The following LUC7L variants were observed in gnomAD, a reference collection of about 807,000 sequenced individuals.
The protein encoded by LUC7L is putative RNA-binding protein Luc7-like 1.
A neutral mutation model predicts 51.1 loss-of-function variants in LUC7L; 29 were observed. The ratio of observed to expected loss-of-function variants is 0.57; its 90% confidence interval spans 0.42 to 0.77. LUC7L has a LOEUF of 0.77. Ranked by LOEUF, LUC7L falls within the 30% of genes least tolerant of loss-of-function variation. LUC7L has a pLI of 0.00. For missense variants in LUC7L, 403 were observed against 511.9 expected, an observed-to-expected ratio of 0.79 and a Z score of 2.05; for synonymous variants, 181 against 180.7, an observed-to-expected ratio of 1.00 and a Z score of -0.01.
intron 3 of LUC7L, chr16:209,017 C>CT (rs1437401658): frequency 6.6e-6 from 1 of 151,100 alleles, no homozygotes; most frequent in Non-Finnish European, 1.5e-5. Context: ...AACATGGTCT[C>CT]TAATAAAAAT....
chr16:210,086 G>A (rs561918380), intron 3 of LUC7L, among the ~76,000 whole-genome samples: 4 of 152,276 alleles, frequency 2.6e-5, no homozygotes, highest in South Asian at 4.1e-4. Context: ...TCAGGAGTTC[G>A]AGACCAGCTT....
chr16:223,562 G>A (rs891605259), intron 2 of LUC7L, among the ~76,000 whole-genome samples: 21 of 152,020 alleles, frequency 1.4e-4, no homozygotes, highest in Admixed American at 9.9e-4. Context: ...CGTTATGGTC[G>A]GTTACATAGA....
intron 3 of LUC7L, among the ~76,000 whole-genome samples, chr16:215,685 C>T (rs966331408): frequency 2.6e-5 from 4 of 151,360 alleles, no homozygotes; most frequent in Non-Finnish European, 5.9e-5. Context: ...CACCTGTAGT[C>T]CCAGCTACTC....
Position 192,921 on chromosome 16 carries a change from G to A in LUC7L, c.776+6C>T. 1 of 1,611,378 alleles carries A rather than the reference G, an allele frequency of 6.2e-7. No individual in the cohort carries two copies. Among genetic ancestry groups the A allele is most frequent in the Non-Finnish European group, 8.5e-7 (1 of 1,179,374 alleles). On this transcript the variant is annotated splice_donor_region_variant and intron_variant, in intron 7 of 9. Transcript: ENST00000293872. Reference sequence around the variant, plus strand: ...CAGGCCATCCAGTGCCAGCCCTCAGGCTCACCTCCTGCTCAGACGCTCCTC... The same window carrying A: ...CAGGCCATCCAGTGCCAGCCCTCAGACTCACCTCCTGCTCAGACGCTCCTC...
intron 2 of LUC7L, among the ~76,000 whole-genome samples, chr16:223,141 C>CCT (rs1567193352): frequency 6.6e-6 from 1 of 150,902 alleles, no homozygotes; most frequent in Non-Finnish European, 1.5e-5. Context: ...GGGCGGATCA[C>CCT]GAGGTCAGGA....
intron 3 of LUC7L, among the ~76,000 whole-genome samples, chr16:218,557 C>T (rs2049875051): frequency 6.6e-6 from 1 of 151,968 alleles, no homozygotes; most frequent in African/African-American, 2.4e-5. Context: ...CACATCTCTA[C>T]TAAAAATACA....
chr16:206,167 G>A lies in LUC7L; in HGVS notation c.367-20C>T. 1.2e-6 allele frequency: 2 copies of A among 1,605,078 alleles called. No individual in the cohort carries two copies. The highest frequency in any genetic ancestry group is 1.7e-6 in the Non-Finnish European group (2 of 1,177,824). ...TTCTGCCTGTGAGGAGAAAGAATGA[G>A]GTAAGCAGACATCTGAAAATGAAAG... On this transcript the variant is annotated intron_variant, in intron 4 of 9. Transcript: ENST00000293872.
chr16:227,315 A>C lies in LUC7L; in HGVS notation c.83T>G (p.Val28Gly). 16 of 1,610,474 alleles carry C rather than the reference A, an allele frequency of 9.9e-6. No homozygotes were observed. Among genetic ancestry groups the C allele is most frequent in the Non-Finnish European group, 1.4e-5 (16 of 1,178,178 alleles). ...ARDGDETRQR[V>G]KFTDDRVCKS... ...GCAGACACGGTCATCTGTAAACTTGACCCTCTGTCTGGTTTCGTCTCCTGA... is the reference window on the plus strand; with the variant it reads ...GCAGACACGGTCATCTGTAAACTTGCCCCTCTGTCTGGTTTCGTCTCCTGA... Residue 28 changes from valine to glycine, a missense_variant, in exon 2 of 10, where the codon GTC (valine) becomes GGC (glycine). Physicochemically the swap from Val to Gly is moderately radical, Grantham distance 109. Around this residue, in one of 3 missense-constraint regions of LUC7L, gnomAD observed 182 missense variants for 248.4 expected, o/e 0.73. Coordinates refer to ENST00000293872, the MANE Select transcript of LUC7L (RefSeq NM_201412.3).
chr16:192,328 C>T (rs541607839), intron 7 of LUC7L, among the ~76,000 whole-genome samples: 1 of 152,080 alleles, frequency 6.6e-6, no homozygotes, highest in Non-Finnish European at 1.5e-5. Context: ...GGGGAGCAGG[C>T]ACCACCCCTC....
At chr16:200,415 A>AG (rs1355293063) in intron 5 of LUC7L, among the ~76,000 whole-genome samples, 3 of 125,338 alleles carry the variant, frequency 2.4e-5, no homozygotes, top group Non-Finnish European at 5.4e-5. Context: ...CCGTCTCAAA[A>AG]GAAAAAAAAA....
At position 189,293 on chromosome 16, in the gene LUC7L, G is replaced by A. The variant is rs764753668; in HGVS notation, c.1021C>T (p.Arg341Trp). ...ASREESWESG[R>W]SERGPPDWRL... The stretch of plus-strand genomic sequence containing the variant: ...CAGTCCGGGGGCCCTCGCTCGCTCC[G>A]CCCGCTCTCCCAGGACTCCTCTCTG... Residue 341 changes from arginine (R) to tryptophan (W), a missense_variant, in exon 10 of 10, where the codon CGG becomes TGG. Arg to Trp is a moderately radical substitution (Grantham distance 101, BLOSUM62 -3). Around this residue, in one of 3 missense-constraint regions of LUC7L, gnomAD observed 206 missense variants for 218.3 expected, o/e 0.94. Transcript: ENST00000293872. 13 of 1,613,108 alleles carry A rather than the reference G, an allele frequency of 8.1e-6. No homozygotes were observed. Among genetic ancestry groups the A allele is most frequent in the East Asian group, 4.5e-5 (2 of 44,884 alleles).
intron 2 of LUC7L, among the ~76,000 whole-genome samples, chr16:225,528 C>T (rs1463468370): frequency 7.3e-6 from 1 of 136,998 alleles, no homozygotes; most frequent in African/African-American, 2.7e-5. Context: ...CTCTTGTTGC[C>T]CAGGCTGGAG....
rs918782919 is a variant in LUC7L, at chr16:229,341, G to A, written c.-2C>T. 6.6e-7 allele frequency: 1 copy of A among 1,503,910 alleles called. No individual in the cohort carries two copies. Among genetic ancestry groups the A allele is most frequent in the African/African-American group, 1.4e-5 (1 of 69,782 alleles). 93.2% of individuals were successfully genotyped at this position (1,503,910 alleles called of 1,614,324 possible). ...CCGCATCTGCGCCTGGGCGGACATG[G>A]TAGCCGGCGGAGGCGACGGGGTCGG... On this transcript the variant is annotated 5_prime_UTR_variant, in exon 1 of 10. Transcript: ENST00000293872.
intron 3 of LUC7L, among the ~76,000 whole-genome samples, chr16:210,340 C>T (rs1252229775): frequency 2.0e-5 from 3 of 152,196 alleles, no homozygotes; most frequent in African/African-American, 4.8e-5. Context: ...CTCTAGTCAA[C>T]ATTTCAGTAT....
chr16:195,703 G>A (rs1050523474), intron 6 of LUC7L, among the ~76,000 whole-genome samples: 1 of 152,092 alleles, frequency 6.6e-6, no homozygotes, highest in Admixed American at 6.6e-5. Flanking sequence ...AATTACAGGC[G>A]TGAGCCACCA....
At chr16:221,483 C>T (rs2049968276) in intron 2 of LUC7L, among the ~76,000 whole-genome samples, 1 of 151,998 alleles carries the variant, frequency 6.6e-6, no homozygotes, top group Admixed American at 6.6e-5. Context: ...AGGCGGATCA[C>T]TTGAGGTCAG....
chr16:227,979 T>C, intron 1 of LUC7L: 1 of 1,087,904 alleles, frequency 9.2e-7, no homozygotes. Flanking sequence ...CTCCAACACA[T>C]ACTGTACCCA....
chr16:218,274 T>G (rs1345898809), intron 3 of LUC7L, among the ~76,000 whole-genome samples: 1 of 152,164 alleles, frequency 6.6e-6, no homozygotes, highest in African/African-American at 2.4e-5. Flanking sequence ...CCTTGGGTTT[T>G]ATATTTTTCA....
intron 5 of LUC7L, among the ~76,000 whole-genome samples, chr16:205,581 G>A (rs911666859): frequency 1.3e-5 from 2 of 151,972 alleles, no homozygotes; most frequent in Non-Finnish European, 2.9e-5. Context: ...AAAACTGCTT[G>A]CAAAAACAGC....
Sources: allele counts gnomAD v4.1 joint callset (sites outside exome capture counted in the v4.1 genomes callset), GRCh38; gene constraint gnomAD v4.1.1; regional missense constraint gnomAD v4.1.1; transcripts MANE v1.5; gene names NCBI Gene and HGNC (gene_info 2026-07-23, HGNC 2026-07-21).